NFIB: variants seen among roughly 807,000 people sequenced by gnomAD.
The protein encoded by NFIB is nuclear factor I B, also known as nuclear factor 1 B-type.
NFIB carries 11 observed loss-of-function variants against 61.5 expected under a neutral mutation model. That is an observed-to-expected ratio of 0.18 (90% CI 0.11 to 0.30). NFIB has a LOEUF of 0.30. Ranked by LOEUF, NFIB falls within the 10% of genes least tolerant of loss-of-function variation. The pLI is 1.00. For missense variants in NFIB, 471 were observed against 608.9 expected (o/e 0.77, Z 2.38); for synonymous variants, 260 against 216.5 (o/e 1.20, Z -1.76).
At chr9:14,237,606 A>C (rs2053873308) in intron 2 of NFIB, among the ~76,000 whole-genome samples, 1 of 152,132 alleles carries the variant, frequency 6.6e-6, no homozygotes, top group Non-Finnish European at 1.5e-5. Context: ...TCTCGTCCCC[A>C]CATACCAGAT....
rs1232233875 is a variant in NFIB, at chr9:14,390,995, A to G, written c.108+7529T>C. ...AACAAAATGATTGCATATATAAAGA[A>G]ATGGGGGGTGGAATAGACACATTTC... On this transcript the variant is annotated intron_variant, in intron 1 of 8. Transcript: ENST00000380934. 3.8e-4 allele frequency among the ~76,000 whole-genome samples: 58 copies of G among 152,336 alleles called. 1 individual carries two copies. The highest frequency in any genetic ancestry group is 1.9e-4 in the Non-Finnish European group (13 of 68,036).
chr9:14,121,102 A>C (rs2119159808), intron 7 of NFIB, among the ~76,000 whole-genome samples: 1 of 152,136 alleles, frequency 6.6e-6, no homozygotes, highest in East Asian at 1.9e-4. Context: ...ATCGCTACTG[A>C]AAATACAAAA....
the NFIB span, among the ~76,000 whole-genome samples, chr9:14,493,691 T>C: frequency 1.8e-3 from 274 of 152,276 alleles, no homozygotes; most frequent in Middle Eastern, 3.4e-3. Context: ...AAGGAAAACA[T>C]GGCTAAATGG....
At chr9:14,318,870 G>A (rs962112381), upstream of NFIB, among the ~76,000 whole-genome samples, 1 of 152,048 alleles carries the variant, frequency 6.6e-6, no homozygotes, top group African/African-American at 2.4e-5. Flanking sequence ...TACCAGCTCA[G>A]GTAATCAAAT....
intron 6 of NFIB, among the ~76,000 whole-genome samples, chr9:14,140,345 T>C (rs2041545718): frequency 6.6e-6 from 1 of 152,154 alleles, no homozygotes; most frequent in Admixed American, 6.5e-5. Flanking sequence ...GATTATATCA[T>C]TTGTCAGACT....
At chr9:14,154,609 A>G (rs186300491) in intron 4 of NFIB, among the ~76,000 whole-genome samples, 3 of 152,254 alleles carry the variant, frequency 2.0e-5, no homozygotes, top group Admixed American at 6.5e-5. Context: ...AGAATACAGG[A>G]TATTTGTGTT....
At chr9:14,344,440 T>C (rs1487700202) in intron 1 of NFIB, among the ~76,000 whole-genome samples, 2 of 151,968 alleles carry the variant, frequency 1.3e-5, no homozygotes, top group Non-Finnish European at 2.9e-5. Context: ...TGTTTGTTTG[T>C]TTTGTTGTTT....
chr9:14,115,477 A>C (rs1010264011), intron 9 of NFIB, among the ~76,000 whole-genome samples: 7 of 152,190 alleles, frequency 4.6e-5, no homozygotes, highest in Non-Finnish European at 1.0e-4. Context: ...AGTATTTTAC[A>C]TGAAAAAACA....
At chr9:14,380,357 A>G (rs944462953) in intron 1 of NFIB, among the ~76,000 whole-genome samples, 2 of 152,228 alleles carry the variant, frequency 1.3e-5, no homozygotes, top group African/African-American at 4.8e-5. Context: ...TGTAAAAACA[A>G]ACTAGGACTG....
chr9:14,160,831 CAAAAAA>C (rs36063048), intron 3 of NFIB, among the ~76,000 whole-genome samples: 9 of 96,330 alleles, frequency 9.3e-5, no homozygotes, highest in South Asian at 4.2e-4. Flanking sequence ...AAGGAAATCT[CAAAAAA>C]AAAAAAAAAA....
the NFIB span, among the ~76,000 whole-genome samples, chr9:14,407,029 C>T: frequency 2.0e-5 from 3 of 152,254 alleles, no homozygotes; most frequent in East Asian, 5.8e-4. Context: ...TTTATTTCTG[C>T]CCATTTTCCA....
intron 1 of NFIB, among the ~76,000 whole-genome samples, chr9:14,391,178 C>T (rs541419064): frequency 5.3e-5 from 8 of 152,136 alleles, no homozygotes; most frequent in East Asian, 1.9e-4. Context: ...GCGGAGAAAC[C>T]TGACAAATAC....
At chr9:14,231,565 G>T (rs1466323185) in intron 2 of NFIB, among the ~76,000 whole-genome samples, 1 of 152,058 alleles carries the variant, frequency 6.6e-6, no homozygotes, top group East Asian at 1.9e-4. Flanking sequence ...TTTACTCCAG[G>T]TCTATTATGA....
rs568518847 is a variant in NFIB, at chr9:14,085,081, C to T, written c.*3228G>A. On this transcript the variant is annotated 3_prime_UTR_variant, in exon 11 of 11. Transcript: ENST00000380953. ...TTGGCTGAGATGATCTGTTTGCTAC[C>T]AGGGCGAGTATCACAGAAATGATTG... The T allele has an allele frequency of 1.5e-4, 35 of 228,880 alleles. 2 individuals carry two copies. The South Asian group carries it at 5.8e-3, about 38-fold the overall frequency. 14.2% of individuals were successfully genotyped at this position (228,880 alleles called of 1,614,324 possible).
At chr9:14,308,486 G>A (rs542603830) in intron 1 of NFIB, among the ~76,000 whole-genome samples, 8 of 152,246 alleles carry the variant, frequency 5.3e-5, no homozygotes, top group African/African-American at 1.4e-4. Context: ...TTTGTTCACC[G>A]ATCACATGAG....
intron 2 of NFIB, among the ~76,000 whole-genome samples, chr9:14,229,133 A>G (rs1168890342): frequency 6.6e-6 from 1 of 152,092 alleles, no homozygotes; most frequent in Non-Finnish European, 1.5e-5. Flanking sequence ...TCATTTTATA[A>G]TATTTCTACA....
intron 2 of NFIB, among the ~76,000 whole-genome samples, chr9:14,302,027 C>T (rs1009641584): frequency 6.6e-6 from 1 of 152,174 alleles, no homozygotes; most frequent in Non-Finnish European, 1.5e-5. Flanking sequence ...CCAAGTATTT[C>T]TCCTACACAC....
In NFIB at chr9:14,081,952, G is replaced by A. The variant is rs961426784; in HGVS notation, c.*6357C>T. The A allele has an allele frequency of 9.8e-6, 2 of 204,756 alleles. No homozygotes were observed. The highest frequency in any genetic ancestry group is 2.3e-5 in the African/African-American group (1 of 43,726). 12.7% of individuals were successfully genotyped at this position (204,756 alleles called of 1,614,324 possible). A position where few individuals can be genotyped will look rare whatever the true frequency, so the allele number is the denominator to read the frequency against. On this transcript the variant is annotated 3_prime_UTR_variant, in exon 11 of 11. Coordinates refer to ENST00000380953, the MANE Select transcript of NFIB (RefSeq NM_001190737.2). Reference sequence around the variant, plus strand: ...GAGCAGCTGCTAGCAGTATAGGCTGGATATAACAGTAACAATCACATTAAG... The same window carrying A: ...GAGCAGCTGCTAGCAGTATAGGCTGAATATAACAGTAACAATCACATTAAG...
intron 3 of NFIB, among the ~76,000 whole-genome samples, chr9:14,173,122 G>T (rs1034722493): frequency 6.6e-6 from 1 of 152,186 alleles, no homozygotes; most frequent in African/African-American, 2.4e-5. Context: ...TAGCTGAAGA[G>T]AAAGTAGAAT....
Sources: gnomAD v4.1 joint callset for allele counts (sites outside exome capture counted in the v4.1 genomes callset) on GRCh38, gnomAD v4.1.1 for gene constraint, MANE v1.5 for transcripts, NCBI Gene and HGNC (gene_info 2026-07-23, HGNC 2026-07-21) for gene names.